The following NAALADL2 variants were observed in gnomAD, a reference collection of about 807,000 sequenced individuals.
NAALADL2 encodes the protein inactive N-acetylated-alpha-linked acidic dipeptidase-like protein 2.
In NAALADL2, 76 loss-of-function variants were observed where a neutral mutation model predicts 87.2. That is an observed-to-expected ratio of 0.87 (90% CI 0.72 to 1.05). The LOEUF (loss-of-function observed/expected upper bound fraction) is 1.05, where lower values mean the gene tolerates loss of function less well. NAALADL2 is among the 50% of genes least tolerant of loss of function. NAALADL2 has a pLI of 0.00. For missense variants in NAALADL2, 1,089 were observed against 945.8 expected (o/e 1.15, Z -1.99); for synonymous variants, 354 against 331.0 (o/e 1.07, Z -0.75).
At chr3:175,535,367 C>T (rs1423904976) in intron 9 of NAALADL2, among the ~76,000 whole-genome samples, 1 of 152,218 alleles carries the variant, frequency 6.6e-6, no homozygotes, top group African/African-American at 2.4e-5. Context: ...TGTATTGCTT[C>T]ATGTTCTGTC....
chr3:175,801,978 A>G (rs548019993), intron 13 of NAALADL2, among the ~76,000 whole-genome samples: 1 of 152,230 alleles, frequency 6.6e-6, no homozygotes, highest in East Asian at 1.9e-4. Context: ...ATAAAAGAAG[A>G]GAGAACAGTG....
At chr3:175,048,163 G>A (rs1024134163) in intron 1 of NAALADL2, among the ~76,000 whole-genome samples, 5 of 152,122 alleles carry the variant, frequency 3.3e-5, no homozygotes, top group African/African-American at 1.2e-4. Flanking sequence ...TATACATTGA[G>A]TGTGGGTTTT....
chr3:174,442,232 G>C (rs1227829847), intron 1 of NAALADL2, among the ~76,000 whole-genome samples: 1 of 152,138 alleles, frequency 6.6e-6, no homozygotes, highest in Non-Finnish European at 1.5e-5. Context: ...TGCTCTGGGA[G>C]AATGGGGGAG....
chr3:174,859,831 T>C (rs1207105131), intron 1 of NAALADL2, among the ~76,000 whole-genome samples: 1 of 152,162 alleles, frequency 6.6e-6, no homozygotes, highest in Middle Eastern at 3.2e-3. Context: ...TGTCTCTACC[T>C]GTGGAGTGTT....
intron 9 of NAALADL2, among the ~76,000 whole-genome samples, chr3:175,559,017 G>A (rs931611654): frequency 1.3e-5 from 2 of 152,046 alleles, no homozygotes; most frequent in African/African-American, 4.8e-5. Flanking sequence ...GCTTTGGGTA[G>A]TACGGACATT....
intron 3 of NAALADL2, among the ~76,000 whole-genome samples, chr3:174,795,498 C>T (rs1330237841): frequency 6.6e-6 from 1 of 152,038 alleles, no homozygotes; most frequent in African/African-American, 2.4e-5. Context: ...TTCATATGAA[C>T]ATCTACATAC....
At chr3:175,412,930 T>TTATTA (rs1560510690) in intron 5 of NAALADL2, among the ~76,000 whole-genome samples, 129 of 18,678 alleles carry the variant, frequency 6.9e-3, no homozygotes, top group African/African-American at 0.024. Context: ...TATTATTATT[T>TTATTA]TTGAGACGGA....
intron 1 of NAALADL2, among the ~76,000 whole-genome samples, chr3:174,945,560 T>G (rs1334349222): frequency 6.6e-6 from 1 of 152,190 alleles, no homozygotes; most frequent in South Asian, 2.1e-4. Flanking sequence ...AAAGATATTC[T>G]TTAATAGAAT....
At chr3:174,857,290 T>G (rs973823052), upstream of NAALADL2, among the ~76,000 whole-genome samples, 1 of 152,206 alleles carries the variant, frequency 6.6e-6, no homozygotes, top group Non-Finnish European at 1.5e-5. Context: ...CATGGCACTT[T>G]ATTAGTATTG....
chr3:174,795,357 G>T (rs1176174936), intron 3 of NAALADL2, among the ~76,000 whole-genome samples: 3 of 151,978 alleles, frequency 2.0e-5, no homozygotes, highest in Non-Finnish European at 2.9e-5. Flanking sequence ...GGCTAATTGA[G>T]TATATGTGTG....
In NAALADL2 at chr3:175,496,321, T is replaced by C. The variant is rs556321194; in HGVS notation, c.1653+24563T>C. Among the ~76,000 whole-genome samples, 16 of 152,178 alleles carry C rather than the reference T, an allele frequency of 1.1e-4. No individual in the cohort carries two copies. In the South Asian group the frequency reaches 3.3e-3, roughly 32 times the overall value. ...CTATTGTTTGTGATTTATCATGTCT[T>C]TTAATTTATATTCTATTATATCTTT... On this transcript the variant is annotated intron_variant, in intron 9 of 13. Transcript: ENST00000454872.
intron 3 of NAALADL2, among the ~76,000 whole-genome samples, chr3:174,808,261 G>T (rs1028512742): frequency 6.6e-6 from 1 of 151,978 alleles, no homozygotes; most frequent in Admixed American, 6.6e-5. Context: ...AAAAATTGAA[G>T]TCTAAAAACA....
chr3:175,220,426 T>G (rs1743185495), intron 2 of NAALADL2, among the ~76,000 whole-genome samples: 1 of 151,908 alleles, frequency 6.6e-6, no homozygotes, highest in African/African-American at 2.4e-5. Flanking sequence ...TTTGTGACAG[T>G]TTTTTAACTT....
intron 13 of NAALADL2, among the ~76,000 whole-genome samples, chr3:175,766,838 T>C (rs972705089): frequency 6.6e-6 from 1 of 152,174 alleles, no homozygotes; most frequent in African/African-American, 2.4e-5. Flanking sequence ...TCAGGAATCA[T>C]TTTGCACTTG....
chr3:175,420,928 C>A (rs909519597), intron 5 of NAALADL2, among the ~76,000 whole-genome samples: 1 of 151,868 alleles, frequency 6.6e-6, no homozygotes, highest in Non-Finnish European at 1.5e-5. Flanking sequence ...AAAAGTGATT[C>A]AATTTTTTTC....
chr3:175,457,980 T>C (rs1722573210), intron 6 of NAALADL2, among the ~76,000 whole-genome samples: 1 of 152,174 alleles, frequency 6.6e-6, no homozygotes, highest in African/African-American at 2.4e-5. Flanking sequence ...TATAAACCAG[T>C]ACTATTTGTA....
At chr3:174,754,927 A>G (rs1711816906) in intron 3 of NAALADL2, among the ~76,000 whole-genome samples, 1 of 152,148 alleles carries the variant, frequency 6.6e-6, no homozygotes, top group African/African-American at 2.4e-5. Flanking sequence ...GAAAAGGTAA[A>G]TACCTTTTTT....
chr3:174,574,506 A>G (rs1715310095), intron 2 of NAALADL2, among the ~76,000 whole-genome samples: 1 of 152,126 alleles, frequency 6.6e-6, no homozygotes, highest in Non-Finnish European at 1.5e-5. Context: ...GTCATGATAT[A>G]AAAATTTCTG....
intron 2 of NAALADL2, among the ~76,000 whole-genome samples, chr3:174,638,145 T>C (rs1294401316): frequency 1.3e-5 from 2 of 152,206 alleles, no homozygotes; most frequent in African/African-American, 2.4e-5. Flanking sequence ...TACTGTGTTT[T>C]TGCTTATTAA....
Sources: gnomAD v4.1 joint callset for allele counts (sites outside exome capture counted in the v4.1 genomes callset) on GRCh38, gnomAD v4.1.1 for gene constraint, MANE v1.5 for transcripts, NCBI Gene and HGNC (gene_info 2026-07-23, HGNC 2026-07-21) for gene names.